Variants in ZPBP observed in about 807,000 individuals in gnomAD.
ZPBP encodes zona pellucida binding protein.
A neutral mutation model predicts 44.8 loss-of-function variants in ZPBP; 26 were observed. That is an observed-to-expected ratio of 0.58 (90% CI 0.43 to 0.81). ZPBP has a LOEUF of 0.81. ZPBP is among the 30% of genes least tolerant of loss of function. The pLI, the probability that ZPBP is intolerant of heterozygous loss-of-function variation, is 0.00. For missense variants in ZPBP, 409 were observed against 434.0 expected (o/e 0.94, Z 0.51); for synonymous variants, 174 against 153.2 (o/e 1.14, Z -1.00).
chr7:50,035,766 T>C (rs933630267), intron 4 of ZPBP, among the ~76,000 whole-genome samples: 8 of 144,004 alleles, frequency 5.6e-5, no homozygotes, highest in Admixed American at 4.9e-4. Context: ...GTGGTAAGGA[T>C]ACAAAGAAGT....
chr7:50,081,881 A>C lies in ZPBP; in HGVS notation c.227T>G (p.Leu76Arg). The C allele has an allele frequency of 6.2e-7, 1 of 1,611,092 alleles. No individual in the cohort carries two copies. The highest frequency in any genetic ancestry group is 8.5e-7 in the Non-Finnish European group (1 of 1,177,968). The change falls in exon 3 of 8, where the codon CTC becomes CGC. Residue 76 changes from leucine to arginine, a missense_variant. Leu to Arg is a moderately radical substitution (Grantham distance 102). Transcript: ENST00000046087. ...TSFPVKAYVM[L>R]HQKSPHVLCV... ...TAACACGTGTGGACTCTTTTGATGG[A>C]GCATGACATACGCTTTCACTGAAAA...
At chr7:50,055,466 A>G (rs561232788) in intron 4 of ZPBP, among the ~76,000 whole-genome samples, 1 of 152,234 alleles carries the variant, frequency 6.6e-6, no homozygotes, top group Admixed American at 6.5e-5. Flanking sequence ...ACATAGTAGG[A>G]TATCATAAAG....
chr7:50,040,001 A>G (rs1799992316), intron 4 of ZPBP, among the ~76,000 whole-genome samples: 1 of 152,214 alleles, frequency 6.6e-6, no homozygotes, highest in Non-Finnish European at 1.5e-5. Flanking sequence ...AACAGCAAAA[A>G]GTAATTAAAG....
intron 7 of ZPBP, among the ~76,000 whole-genome samples, chr7:49,957,280 A>C (rs1795644617): frequency 6.6e-6 from 1 of 152,204 alleles, no homozygotes; most frequent in East Asian, 1.9e-4. Context: ...GAGTGGACTA[A>C]GATAGAAAAT....
intron 7 of ZPBP, chr7:49,940,666 A>T: frequency 1.5e-6 from 1 of 674,984 alleles, no homozygotes; most frequent in Non-Finnish European, 1.8e-6. Context: ...AAAAAAAAAA[A>T]GCTGTGTTTG....
In ZPBP at chr7:50,063,610, T is replaced by TA. The variant is rs536443368; in HGVS notation, c.335-5470dup. ...AAAGCTTGAGAACCATTTTTTTTTT[T>TA]AAACAAAGAATCCGGGGACCACCTG... On this transcript the variant is annotated intron_variant, in intron 3 of 7. Transcript: ENST00000046087. Among the ~76,000 whole-genome samples, 551 of 152,126 alleles carry TA rather than the reference T, an allele frequency of 3.6e-3. 2 individuals are homozygous for TA. Among genetic ancestry groups the TA allele is most frequent in the Admixed American group, 5.9e-3 (90 of 15,274 alleles).
intron 3 of ZPBP, among the ~76,000 whole-genome samples, chr7:50,070,216 A>G (rs1408892491): frequency 6.6e-6 from 1 of 152,158 alleles, no homozygotes; most frequent in Non-Finnish European, 1.5e-5. Context: ...TCACTTTGTT[A>G]GTGGGGACAC....
rs116512794 is a variant in ZPBP, at chr7:49,997,589, G to A, written c.784-14070C>T. Among the ~76,000 whole-genome samples the A allele has an allele frequency of 8.3e-3, 1,270 of 152,246 alleles. 17 individuals are homozygous for A. Among genetic ancestry groups the A allele is most frequent in the African/African-American group, 0.029 (1,218 of 41,546 alleles). On this transcript the variant is annotated intron_variant, in intron 6 of 7. Coordinates refer to ENST00000046087, the MANE Select transcript of ZPBP (RefSeq NM_007009.3). ...GGAGGTATTAGTGTTGTTTCCTGAC[G>A]AAAATCAGCATTTTCTTGCATGGCA...
At chr7:49,883,236 C>T (rs1791750661) in intron 2 of ZPBP, among the ~76,000 whole-genome samples, 1 of 152,050 alleles carries the variant, frequency 6.6e-6, no homozygotes, top group Non-Finnish European at 1.5e-5. Flanking sequence ...GGAACCTAAC[C>T]CAGGGAGGCG....
rs1273992715 is a variant in ZPBP, at chr7:50,007,257, G to T, written c.783+10983C>A. Among the ~76,000 whole-genome samples, 4 of 151,862 alleles carry T rather than the reference G, an allele frequency of 2.6e-5. 1 individual carries two copies. Among genetic ancestry groups the T allele is most frequent in the African/African-American group, 9.7e-5 (4 of 41,312 alleles). On this transcript the variant is annotated intron_variant, in intron 6 of 7. Transcript: ENST00000046087. ...TTATAGCATTCCAAATGGACTGAAA[G>T]AAAAAGTATGTCAACAAATTGGATA... is the stretch of plus-strand genomic sequence containing the variant.
At chr7:50,042,022 A>G (rs1336067467) in intron 4 of ZPBP, among the ~76,000 whole-genome samples, 3 of 152,206 alleles carry the variant, frequency 2.0e-5, no homozygotes, top group African/African-American at 4.8e-5. Context: ...GAACTTCAAG[A>G]AGCATACACA....
chr7:49,988,821 A>G (rs1250328853), intron 6 of ZPBP, among the ~76,000 whole-genome samples: 1 of 152,222 alleles, frequency 6.6e-6, no homozygotes, highest in Non-Finnish European at 1.5e-5. Context: ...GCAAAACAAG[A>G]GTTAACTGAA....
chr7:49,869,361 G>A, intron 2 of ZPBP, among the ~76,000 whole-genome samples: 1 of 152,112 alleles, frequency 6.6e-6, no homozygotes, highest in Non-Finnish European at 1.5e-5. Flanking sequence ...CTGAAAGGGT[G>A]GGTTCATCTG....
chr7:49,845,806 C>T (rs1789928560), downstream of ZPBP, among the ~76,000 whole-genome samples: 1 of 152,130 alleles, frequency 6.6e-6, no homozygotes, highest in South Asian at 2.1e-4. Flanking sequence ...AGATATAGAA[C>T]CTTGTGATGT....
chr7:49,951,026 G>A (rs145656203), intron 7 of ZPBP, among the ~76,000 whole-genome samples: 63 of 151,818 alleles, frequency 4.1e-4, no homozygotes, highest in African/African-American at 1.5e-3. Context: ...AAATTATTCT[G>A]TAACAACTAG....
chr7:50,046,813 A>G (rs191762776), intron 4 of ZPBP, among the ~76,000 whole-genome samples: 4 of 152,342 alleles, frequency 2.6e-5, no homozygotes, highest in African/African-American at 9.6e-5. Context: ...CCAAAGGATT[A>G]TAAATCATTC....
At position 49,881,434 on chromosome 7, in the gene ZPBP, TAG is replaced by T. The variant is rs772253186; in HGVS notation, n.509+19682_509+19683del. Among the ~76,000 whole-genome samples the T allele has an allele frequency of 2.6e-5, 4 of 152,130 alleles. 1 individual carries two copies. Among genetic ancestry groups the T allele is most frequent in the Non-Finnish European group, 4.4e-5 (3 of 68,020 alleles). The stretch of plus-strand genomic sequence containing the variant: ...ATGATTTAATAGAAAGTTTAAAAAA[TAG>T]AGAGAGAGCACTAATTGTGCCTAAC... On this transcript the variant is annotated intron_variant and non_coding_transcript_variant, in intron 2 of 2. Coordinates refer to the ZPBP transcript ENST00000465922.
At chr7:49,937,390 G>A, downstream of ZPBP, 1 of 671,186 alleles carries the variant, frequency 1.5e-6, no homozygotes, top group Non-Finnish European at 2.6e-6. Context: ...TAAAACATTT[G>A]GACATACAGT....
intron 2 of ZPBP, among the ~76,000 whole-genome samples, chr7:49,880,495 T>C (rs760327738): frequency 1.3e-5 from 2 of 151,884 alleles, no homozygotes; most frequent in African/African-American, 4.8e-5. Context: ...AAATTCAGCT[T>C]CTTTATTAGA....
Sources: allele counts gnomAD v4.1 joint callset (sites outside exome capture counted in the v4.1 genomes callset), GRCh38; gene constraint gnomAD v4.1.1; transcripts MANE v1.5; gene names NCBI Gene and HGNC (gene_info 2026-07-23, HGNC 2026-07-21).